The following SCFD2 variants were observed in gnomAD, a reference collection of about 807,000 sequenced individuals.
SCFD2 encodes the protein sec1 family domain containing 2.
A neutral mutation model predicts 58.9 loss-of-function variants in SCFD2; 54 were observed. That is an observed-to-expected ratio of 0.92 (90% CI 0.74 to 1.15). The LOEUF (loss-of-function observed/expected upper bound fraction) is 1.15. Among genes scored for constraint, SCFD2 ranks in the 50% most tolerant of loss-of-function variants. The pLI is 0.00. For synonymous variants in SCFD2, 321 were observed against 335.9 expected (o/e 0.96, Z 0.49); for missense variants, 805 against 836.6 (o/e 0.96, Z 0.47).
In SCFD2 at chr4:53,263,546, A is replaced by C. The variant is rs570467662; in HGVS notation, c.1311+10280T>G. On this transcript the variant is annotated intron_variant, in intron 4 of 8. Transcript: ENST00000401642. ...CTGGGTCTAGCCAACCAGTGGAGCTACAAGGTTTCAGGCTGGTACTGGGGA... is the reference window on the plus strand; with the variant it reads ...CTGGGTCTAGCCAACCAGTGGAGCTCCAAGGTTTCAGGCTGGTACTGGGGA... Among the ~76,000 whole-genome samples the C allele has an allele frequency of 2.0e-4, 31 of 152,288 alleles. No individual in the cohort carries two copies. In the South Asian group the frequency reaches 6.2e-3, roughly 31 times the overall value.
Position 52,896,769 on chromosome 4 carries a change from G to A in SCFD2, c.1842+10688C>T, listed in dbSNP as rs368618438. ...CCTTGGGCAGCATGGCCATTTTCAC[G>A]ATATTGATTCTTCTTATCCATGAGC... is the stretch of plus-strand genomic sequence containing the variant. On this transcript the variant is annotated intron_variant, in intron 7 of 8. Transcript: ENST00000401642. Among the ~76,000 whole-genome samples, 84 of 152,282 alleles carry A rather than the reference G, an allele frequency of 5.5e-4. 1 individual carries two copies. The East Asian group carries it at 0.014, about 26-fold the overall frequency.
intron 4 of SCFD2, among the ~76,000 whole-genome samples, chr4:53,215,502 T>C (rs1728791068): frequency 6.6e-6 from 1 of 152,182 alleles, no homozygotes; most frequent in African/African-American, 2.4e-5. Context: ...TTTTGTATCC[T>C]GAGACTTTGC....
intron 5 of SCFD2, among the ~76,000 whole-genome samples, chr4:52,925,086 T>C (rs758519385): frequency 1.3e-5 from 2 of 152,146 alleles, no homozygotes; most frequent in Non-Finnish European, 1.5e-5. Flanking sequence ...TAGGTACTAT[T>C]ATCATTCTCA....
intron 7 of SCFD2, among the ~76,000 whole-genome samples, chr4:52,898,877 T>C (rs1223045361): frequency 1.3e-5 from 2 of 152,242 alleles, no homozygotes; most frequent in Non-Finnish European, 2.9e-5. Flanking sequence ...TTAGCACTTC[T>C]TGTTGCATTG....
At chr4:53,235,902 A>G (rs1159206889) in intron 4 of SCFD2, among the ~76,000 whole-genome samples, 1 of 152,250 alleles carries the variant, frequency 6.6e-6, no homozygotes, top group Non-Finnish European at 1.5e-5. Context: ...AGAATAATGT[A>G]GAACACTCTA....
At chr4:53,145,047 C>A (rs1273607041) in intron 5 of SCFD2, among the ~76,000 whole-genome samples, 1 of 152,158 alleles carries the variant, frequency 6.6e-6, no homozygotes, top group African/African-American at 2.4e-5. Flanking sequence ...TATGAGGGAT[C>A]TAGGTTGCAT....
chr4:53,070,106 A>G (rs1186626713), intron 5 of SCFD2, among the ~76,000 whole-genome samples: 3 of 152,052 alleles, frequency 2.0e-5, no homozygotes. Flanking sequence ...TAAAGAAACC[A>G]ACCACTTATA....
intron 5 of SCFD2, among the ~76,000 whole-genome samples, chr4:53,085,917 C>G (rs565781601): frequency 6.6e-6 from 1 of 152,212 alleles, no homozygotes; most frequent in South Asian, 2.1e-4. Flanking sequence ...AAATATAAGA[C>G]CTACAACTAT....
chr4:53,154,761 C>A (rs1289143229), intron 4 of SCFD2, among the ~76,000 whole-genome samples: 3 of 152,182 alleles, frequency 2.0e-5, no homozygotes, highest in African/African-American at 7.2e-5. Flanking sequence ...GGGAAGATTG[C>A]CTACATTATC....
intron 7 of SCFD2, among the ~76,000 whole-genome samples, chr4:52,898,696 C>T (rs1460226452): frequency 1.3e-5 from 2 of 152,116 alleles, no homozygotes; most frequent in Non-Finnish European, 2.9e-5. Context: ...GAGTTCAATT[C>T]CTGGATATCC....
At chr4:53,219,184 G>A (rs532901129) in intron 4 of SCFD2, among the ~76,000 whole-genome samples, 1 of 152,328 alleles carries the variant, frequency 6.6e-6, no homozygotes, top group South Asian at 2.1e-4. Context: ...GGGACATTAA[G>A]TCTGCAGAGG....
intron 5 of SCFD2, among the ~76,000 whole-genome samples, chr4:53,076,936 T>G (rs1396339429): frequency 6.6e-6 from 1 of 152,188 alleles, no homozygotes; most frequent in Non-Finnish European, 1.5e-5. Context: ...TACATATTGC[T>G]CACTCAAAGT....
intron 5 of SCFD2, among the ~76,000 whole-genome samples, chr4:53,013,779 C>T (rs1722150514): frequency 6.6e-6 from 1 of 151,920 alleles, no homozygotes; most frequent in Non-Finnish European, 1.5e-5. Context: ...GACTGTATAT[C>T]TCCTTATTAA....
intron 4 of SCFD2, among the ~76,000 whole-genome samples, chr4:53,174,324 A>T (rs1429467005): frequency 6.6e-6 from 1 of 152,122 alleles, no homozygotes; most frequent in East Asian, 1.9e-4. Flanking sequence ...CCACAGACAC[A>T]GGGAATACAA....
intron 4 of SCFD2, among the ~76,000 whole-genome samples, chr4:53,202,263 C>A (rs1471243475): frequency 6.6e-6 from 1 of 152,180 alleles, no homozygotes; most frequent in African/African-American, 2.4e-5. Flanking sequence ...GTTTTCCCAG[C>A]ACCATTTATT....
chr4:53,011,262 C>A (rs1722087665), intron 5 of SCFD2, among the ~76,000 whole-genome samples: 1 of 151,774 alleles, frequency 6.6e-6, no homozygotes, highest in African/African-American at 2.4e-5. Context: ...CTTTTTTTTC[C>A]CCCCCAAAGA....
chr4:53,276,467 T>A (rs1343647704), intron 3 of SCFD2, among the ~76,000 whole-genome samples: 5 of 152,164 alleles, frequency 3.3e-5, no homozygotes, highest in African/African-American at 9.7e-5. Context: ...TATTTTTTTT[T>A]AATTTTTATT....
At chr4:53,155,500 G>A (rs961352181) in intron 4 of SCFD2, among the ~76,000 whole-genome samples, 1 of 152,160 alleles carries the variant, frequency 6.6e-6, no homozygotes, top group Non-Finnish European at 1.5e-5. Context: ...AAATTACCCA[G>A]TCTCAGGTAT....
intron 2 of SCFD2, among the ~76,000 whole-genome samples, chr4:53,321,356 C>G (rs956979786): frequency 5.9e-5 from 9 of 151,856 alleles, no homozygotes; most frequent in Admixed American, 5.2e-4. Context: ...AGAAAGAAGA[C>G]AGCAAAATTT....
Sources: allele counts gnomAD v4.1 joint callset (sites outside exome capture counted in the v4.1 genomes callset), GRCh38; gene constraint gnomAD v4.1.1; transcripts MANE v1.5; gene names NCBI Gene and HGNC (gene_info 2026-07-23, HGNC 2026-07-21).